Variants in MIPEP observed in about 807,000 individuals in gnomAD.
MIPEP encodes mitochondrial intermediate peptidase.
Under a neutral mutation model 90.3 loss-of-function variants are expected in MIPEP, and 79 were observed. The observed-to-expected ratio is 0.87, with a 90% CI of 0.73 to 1.05. The LOEUF (loss-of-function observed/expected upper bound fraction) is 1.05, where lower values mean the gene tolerates loss of function less well. Among genes scored for constraint, MIPEP ranks in the 50% least tolerant of loss-of-function variants. MIPEP has a pLI of 0.00. For synonymous variants in MIPEP, 334 were observed against 315.8 expected (o/e 1.06, Z -0.61); for missense variants, 940 against 905.6 (o/e 1.04, Z -0.49).
intron 10 of MIPEP, among the ~76,000 whole-genome samples, chr13:23,857,195 G>C (rs1870079965): frequency 6.6e-6 from 1 of 152,050 alleles, no homozygotes; most frequent in Admixed American, 6.6e-5. Context: ...ACTATAGGGA[G>C]CAGGGTTTCA....
At chr13:23,889,084 G>A (rs567899355) in intron 1 of MIPEP, 48 bp downstream of exon 1, 2 of 1,362,742 alleles carry the variant, frequency 1.5e-6, no homozygotes, top group South Asian at 3.4e-5. Flanking sequence ...GCGGAGCAGG[G>A]GTCGGCTTAG....
intron 14 of MIPEP, among the ~76,000 whole-genome samples, chr13:23,831,865 C>T (rs1868784517): frequency 6.6e-6 from 1 of 152,112 alleles, no homozygotes; most frequent in Admixed American, 6.5e-5. Flanking sequence ...TTAGACTGCA[C>T]GGTGAAGGTG....
At chr13:23,769,085 T>C (rs1952622821) in intron 16 of MIPEP, among the ~76,000 whole-genome samples, 2 of 152,212 alleles carry the variant, frequency 1.3e-5, no homozygotes, top group African/African-American at 4.8e-5. Flanking sequence ...CATTGCTTTT[T>C]CTCTCTCCTC....
chr13:23,883,270 CAAAAT>C (rs1871341673), intron 2 of MIPEP, among the ~76,000 whole-genome samples: 1 of 150,794 alleles, frequency 6.6e-6, no homozygotes, highest in African/African-American at 2.4e-5. Context: ...CTAAAAATGT[CAAAAT>C]AAGATATAGC....
chr13:23,759,969 C>T, intron 17 of MIPEP, 127 bp downstream of exon 17: 1 of 1,198,894 alleles, frequency 8.3e-7, no homozygotes, highest in Middle Eastern at 2.2e-4. Flanking sequence ...GTGTGGGGAG[C>T]CTGCCACTTT....
intron 7 of MIPEP, among the ~76,000 whole-genome samples, chr13:23,868,794 C>T (rs954097541): frequency 1.3e-4 from 20 of 152,174 alleles, no homozygotes; most frequent in African/African-American, 4.8e-4. Flanking sequence ...CAACATAGCA[C>T]AAGGCAAGTT....
intron 16 of MIPEP, among the ~76,000 whole-genome samples, chr13:23,765,457 T>C (rs1236525382): frequency 6.6e-6 from 1 of 152,220 alleles, no homozygotes; most frequent in Non-Finnish European, 1.5e-5. Context: ...TTTATAAATG[T>C]CACTTTATCA....
intron 18 of MIPEP, among the ~76,000 whole-genome samples, chr13:23,738,842 T>C (rs1952293015): frequency 6.6e-6 from 1 of 152,162 alleles, no homozygotes; most frequent in Non-Finnish European, 1.5e-5. Context: ...GAAATGTGAA[T>C]TCTTAATCCC....
intron 3 of MIPEP, among the ~76,000 whole-genome samples, chr13:23,879,936 C>G (rs1383921858): frequency 6.6e-6 from 1 of 152,148 alleles, no homozygotes; most frequent in African/African-American, 2.4e-5. Flanking sequence ...CAATGCTGGG[C>G]AGTGGTCCCA....
chr13:23,820,373 C>G (rs1953292272), intron 14 of MIPEP, among the ~76,000 whole-genome samples: 1 of 152,202 alleles, frequency 6.6e-6, no homozygotes, highest in Non-Finnish European at 1.5e-5. Flanking sequence ...TTTATAGAAA[C>G]CCATTTAATG....
intron 18 of MIPEP, among the ~76,000 whole-genome samples, chr13:23,735,697 G>C (rs957130146): frequency 6.6e-6 from 1 of 152,158 alleles, no homozygotes; most frequent in Non-Finnish European, 1.5e-5. Context: ...AATATAGTTA[G>C]AGCTAACTGG....
At chr13:23,751,848 AG>A (rs1260668071) in intron 18 of MIPEP, among the ~76,000 whole-genome samples, 1 of 152,064 alleles carries the variant, frequency 6.6e-6, no homozygotes, top group Non-Finnish European at 1.5e-5. Flanking sequence ...TCACAGGAAG[AG>A]GAAGATTTTA....
intron 4 of MIPEP, among the ~76,000 whole-genome samples, chr13:23,876,669 G>A (rs1191788846): frequency 1.3e-5 from 2 of 150,292 alleles, no homozygotes; most frequent in Admixed American, 6.7e-5. Flanking sequence ...TGTCATATCA[G>A]AACCATTTGT....
intron 14 of MIPEP, among the ~76,000 whole-genome samples, chr13:23,810,835 T>C (rs1277667919): frequency 6.6e-6 from 1 of 152,344 alleles, no homozygotes; most frequent in Admixed American, 6.5e-5. Flanking sequence ...AATGAACTAA[T>C]AGAAGAACTG....
At chr13:23,833,728 T>C (rs1868880549) in intron 14 of MIPEP, among the ~76,000 whole-genome samples, 3 of 152,164 alleles carry the variant, frequency 2.0e-5, no homozygotes, top group African/African-American at 4.8e-5. Context: ...CTCCAGATTT[T>C]ACTTTTAAAA....
At chr13:23,756,007 G>T (rs556377844) in intron 18 of MIPEP, among the ~76,000 whole-genome samples, 3 of 152,184 alleles carry the variant, frequency 2.0e-5, no homozygotes, top group African/African-American at 7.2e-5. Context: ...TTCTATTAGA[G>T]TATAAGTAAC....
chr13:23,821,811 A>G (rs1241282387), intron 14 of MIPEP, among the ~76,000 whole-genome samples: 1 of 152,232 alleles, frequency 6.6e-6, no homozygotes, highest in Non-Finnish European at 1.5e-5. Context: ...AATACAAAGT[A>G]GCTATGTAAA....
At chr13:23,838,586 C>A (rs1029133488) in intron 12 of MIPEP, among the ~76,000 whole-genome samples, 1 of 152,140 alleles carries the variant, frequency 6.6e-6, no homozygotes, top group African/African-American at 2.4e-5. Context: ...CCACAACAAC[C>A]CTATGTAGCA....
chr13:23,757,620 C>G (rs972133695), intron 17 of MIPEP, among the ~76,000 whole-genome samples: 6 of 152,010 alleles, frequency 3.9e-5, no homozygotes, highest in African/African-American at 1.5e-4. Context: ...ACCAGAAAAC[C>G]TTGGTTCAGG....
Sources: allele counts gnomAD v4.1 joint callset (sites outside exome capture counted in the v4.1 genomes callset), GRCh38; gene constraint gnomAD v4.1.1; transcripts MANE v1.5; gene names NCBI Gene and HGNC (gene_info 2026-07-23, HGNC 2026-07-21).